Variants in LDB3 observed in about 807,000 individuals in gnomAD.
The protein encoded by LDB3 is LIM domain-binding protein 3.
LDB3 carries 49 observed loss-of-function variants against 69.0 expected under a neutral mutation model. The observed-to-expected ratio is 0.71, with a 90% CI of 0.56 to 0.90. The LOEUF (loss-of-function observed/expected upper bound fraction) is 0.90. Ranked by LOEUF, LDB3 falls within the 40% of genes least tolerant of loss-of-function variation. The pLI is 0.00. For missense variants in LDB3, 928 were observed against 974.1 expected (o/e 0.95, Z 0.63); for synonymous variants, 387 against 396.2 (o/e 0.98, Z 0.28).
chr10:86,709,967 G>A lies in LDB3; in HGVS notation c.1148G>A (p.Ser383Asn). Reference protein sequence around the residue: ...AASSAPATHTSYSEGPAAPAP... With the variant: ...AASSAPATHTNYSEGPAAPAP... Reference sequence around the variant, plus strand: ...TCTTCAGCACCTGCCACCCACACCAGCTACAGTGAGGGCCCCGCCGCCCCT... The same window carrying A: ...TCTTCAGCACCTGCCACCCACACCAACTACAGTGAGGGCCCCGCCGCCCCT... The change falls in exon 9 of 14, where the codon AGC becomes AAC. Residue 383 changes from serine (S) to asparagine (N), a missense_variant. Physicochemically the swap from Ser to Asn is conservative, Grantham distance 46. Transcript: ENST00000361373. The A allele has an allele frequency of 6.2e-7, 1 of 1,613,090 alleles. No individual in the cohort carries two copies.
intron 12 of LDB3, 113 bp from the exon 13 acceptor site, chr10:86,726,024 C>A: frequency 1.4e-6 from 1 of 724,762 alleles, no homozygotes; most frequent in Non-Finnish European, 2.5e-6. Flanking sequence ...AGATGACAAA[C>A]AACCAATTAG....
intron 8 of LDB3, 100 bp from the exon 9 acceptor site, chr10:86,709,805 C>G (rs1846570862): frequency 3.0e-6 from 4 of 1,326,402 alleles, no homozygotes; most frequent in Non-Finnish European, 4.3e-6. Flanking sequence ...GTCAGGTGTC[C>G]TCACAGAGGC....
At chr10:86,685,439 TG>T (rs1845414124) in intron 5 of LDB3, among the ~76,000 whole-genome samples, 1 of 152,210 alleles carries the variant, frequency 6.6e-6, no homozygotes, top group African/African-American at 2.4e-5. Flanking sequence ...CAGAGGGCAC[TG>T]GGGACCCCTC....
chr10:86,668,902 A>T, intron 2 of LDB3, 118 bp downstream of exon 2: 1 of 795,008 alleles, frequency 1.3e-6, no homozygotes, highest in Non-Finnish European at 2.1e-6. Flanking sequence ...AGCATGCCCC[A>T]TCCCCTGGGA....
chr10:86,685,715 A>G, intron 5 of LDB3: 7 of 1,614,068 alleles, frequency 4.3e-6, no homozygotes, highest in Non-Finnish European at 5.9e-6. Flanking sequence ...GTATCAAAGG[A>G]CAGCATGTGT....
At chr10:86,679,886 A>G (rs536965315) in intron 3 of LDB3, among the ~76,000 whole-genome samples, 196 bp from the exon 4 acceptor site, 1 of 152,242 alleles carries the variant, frequency 6.6e-6, no homozygotes, top group Non-Finnish European at 1.5e-5. Context: ...TGATTTCTCC[A>G]TCCTCGTCGG....
chr10:86,718,945 C>T, intron 12 of LDB3, 98 bp downstream of exon 12: 1 of 1,451,860 alleles, frequency 6.9e-7, no homozygotes, highest in South Asian at 1.2e-5. Context: ...CACATCCGAC[C>T]ACCCAGAGGC....
chr10:86,726,270 G>A lies in LDB3; in HGVS notation c.2094+18G>A, dbSNP rs773187046. 44 of 1,604,676 alleles carry A rather than the reference G, an allele frequency of 2.7e-5. No homozygotes were observed. Among genetic ancestry groups the A allele is most frequent in the Non-Finnish European group, 3.7e-5 (43 of 1,171,470 alleles). ...TTTGCGCAGTATGTCTCTAGCTTGG[G>A]GCTCTGGCTTTCTGAGAAGAGGCAG... On this transcript the variant is annotated intron_variant, in intron 13 of 13. Transcript: ENST00000361373.
rs752531414 is a variant in LDB3 at position 86,718,193 on chromosome 10, C to T, written c.1857+49C>T. 9 of 1,571,050 alleles carry T rather than the reference C, an allele frequency of 5.7e-6. No individual in the cohort carries two copies. The East Asian group carries it at 6.7e-5, about 12-fold the overall frequency. Reference sequence around the variant, plus strand: ...TCTGACCCATGTCTCTTCCCCAGCCCTTCCCCAAGATCGTGGGATCCCATT... The same window carrying T: ...TCTGACCCATGTCTCTTCCCCAGCCTTTCCCCAAGATCGTGGGATCCCATT... On this transcript the variant is annotated intron_variant, in intron 11 of 13. Coordinates refer to ENST00000361373, the MANE Select transcript of LDB3 (RefSeq NM_007078.3).
intron 9 of LDB3, among the ~76,000 whole-genome samples, chr10:86,711,645 G>A (rs1167840388): frequency 1.3e-5 from 2 of 151,820 alleles, no homozygotes; most frequent in East Asian, 1.9e-4. Context: ...CGCCGCGGCC[G>A]CAGCCGCAGC....
intron 2 of LDB3, among the ~76,000 whole-genome samples, chr10:86,675,908 T>C (rs945852297): frequency 6.6e-6 from 1 of 152,204 alleles, no homozygotes; most frequent in African/African-American, 2.4e-5. Context: ...AGGACAGGCC[T>C]GGCTGGGCAG....
At chr10:86,677,884 T>A (rs922303299) in intron 2 of LDB3, among the ~76,000 whole-genome samples, 1 of 152,178 alleles carries the variant, frequency 6.6e-6, no homozygotes, top group African/African-American at 2.4e-5. Context: ...GGTGCATTTA[T>A]CCTGCCCTTC....
Position 86,713,079 on chromosome 10 carries a change from T to G in LDB3, c.1231+3029T>G, listed in dbSNP as rs1206007156. On this transcript the variant is annotated intron_variant, in intron 9 of 13. Coordinates refer to ENST00000361373, the MANE Select transcript of LDB3 (RefSeq NM_007078.3). Reference sequence around the variant, plus strand: ...TCCGTCTCAAAAATATATATATATATATATAATTTCAACATATAATCAATA... The same window carrying G: ...TCCGTCTCAAAAATATATATATATAGATATAATTTCAACATATAATCAATA... Among the ~76,000 whole-genome samples the G allele has an allele frequency of 2.0e-5, 3 of 151,498 alleles. No individual in the cohort carries two copies. The South Asian group carries it at 6.2e-4, about 32-fold the overall frequency.
At position 86,680,109 on chromosome 10, in the gene LDB3, G is replaced by C; in HGVS notation, c.273G>C (p.Thr91=). 1 of 1,614,120 alleles carries C rather than the reference G, an allele frequency of 6.2e-7. No individual in the cohort carries two copies. The highest frequency in any genetic ancestry group is 8.5e-7 in the Non-Finnish European group (1 of 1,179,986). ...QKSKRPIPIS[T]TAPPVQTPLP... ...CAAAGCGTCCCATTCCCATCTCCAC[G>C]ACAGCACCTCCAGTCCAGACCCCTC... Residue 91 remains threonine, a synonymous_variant, in exon 4 of 14, where the codon ACG becomes ACC. Coordinates refer to ENST00000361373, the MANE Select transcript of LDB3 (RefSeq NM_007078.3).
chr10:86,671,423 C>A (rs979806876), intron 2 of LDB3, among the ~76,000 whole-genome samples: 7 of 152,156 alleles, frequency 4.6e-5, no homozygotes, highest in Non-Finnish European at 8.8e-5. Context: ...GCAGCAGCAG[C>A]CCCTCAAGGC....
Position 86,732,922 on chromosome 10 carries a change from C to T in LDB3, c.2130C>T (p.Tyr710=), listed in dbSNP as rs752415111. Residue 710 remains tyrosine, a synonymous_variant, in exon 14 of 14, where the codon TAC becomes TAT. Coordinates refer to ENST00000361373, the MANE Select transcript of LDB3 (RefSeq NM_007078.3). ...CHVNLEGQPF[Y]SKKDRPLCKK... Reference sequence around the variant, plus strand: ...TGAATCTGGAGGGGCAGCCGTTCTACTCCAAGAAGGACAGACCCCTGTGCA... The same window carrying T: ...TGAATCTGGAGGGGCAGCCGTTCTATTCCAAGAAGGACAGACCCCTGTGCA... 10 of 1,613,990 alleles carry T rather than the reference C, an allele frequency of 6.2e-6. No homozygotes were observed. The highest frequency in any genetic ancestry group is 4.5e-5 in the East Asian group (2 of 44,882).
intron 7 of LDB3, among the ~76,000 whole-genome samples, chr10:86,694,396 T>C (rs1397204205): frequency 1.3e-5 from 2 of 152,074 alleles, no homozygotes; most frequent in African/African-American, 4.8e-5. Context: ...TCGGAGCCTC[T>C]CCCCCAGCTA....
intron 7 of LDB3, among the ~76,000 whole-genome samples, chr10:86,701,208 A>C (rs561102751): frequency 3.9e-5 from 6 of 152,208 alleles, no homozygotes; most frequent in Non-Finnish European, 7.4e-5. Flanking sequence ...GAACACACTC[A>C]TATTTGGCTG....
chr10:86,678,523 A>G (rs1488296645), intron 2 of LDB3, among the ~76,000 whole-genome samples: 2 of 151,446 alleles, frequency 1.3e-5, no homozygotes, highest in African/African-American at 4.9e-5. Context: ...TATTTTTAGT[A>G]GAGACAGGGT....
Sources: allele counts gnomAD v4.1 joint callset (sites outside exome capture counted in the v4.1 genomes callset), GRCh38; gene constraint gnomAD v4.1.1; transcripts MANE v1.5; gene names NCBI Gene and HGNC (gene_info 2026-07-23, HGNC 2026-07-21).